TNFSF4: variants seen among roughly 807,000 people sequenced by gnomAD.
The protein encoded by TNFSF4 is tumor necrosis factor ligand superfamily member 4.
In TNFSF4, 4 loss-of-function variants were observed where a neutral mutation model predicts 7.3. That is an observed-to-expected ratio of 0.55 (90% CI 0.27 to 1.25). The LOEUF (loss-of-function observed/expected upper bound fraction) is 1.25. Among genes scored for constraint, TNFSF4 ranks in the 50% most tolerant of loss-of-function variants. TNFSF4 has a pLI of 0.12. For missense variants in TNFSF4, 181 were observed against 208.8 expected (o/e 0.87, Z 0.82); for synonymous variants, 76 against 83.7 (o/e 0.91, Z 0.50).
the TNFSF4 span, among the ~76,000 whole-genome samples, chr1:173,353,091 T>C: frequency 6.6e-6 from 1 of 152,192 alleles, no homozygotes; most frequent in African/African-American, 2.4e-5. Context: ...TCAGATTTCA[T>C]ATTGTTCAAA....
At chr1:173,410,917 G>A in the TNFSF4 span, among the ~76,000 whole-genome samples, 20 of 152,276 alleles carry the variant, frequency 1.3e-4, no homozygotes, top group Non-Finnish European at 2.1e-4. Context: ...AACCCAAGGG[G>A]TAGCAGCTGC....
the TNFSF4 span, among the ~76,000 whole-genome samples, chr1:173,409,764 C>A: frequency 1.3e-5 from 2 of 152,074 alleles, no homozygotes; most frequent in Non-Finnish European, 2.9e-5. Context: ...GTGAGAAGTG[C>A]AGGCAGTGGT....
the TNFSF4 span, among the ~76,000 whole-genome samples, chr1:173,434,118 A>C: frequency 6.6e-6 from 1 of 152,138 alleles, no homozygotes; most frequent in Non-Finnish European, 1.5e-5. Flanking sequence ...TTGTTCTCAC[A>C]CCTCTAGCCA....
chr1:173,381,277 C>T, the TNFSF4 span, among the ~76,000 whole-genome samples: 1 of 152,142 alleles, frequency 6.6e-6, no homozygotes, highest in Non-Finnish European at 1.5e-5. Context: ...GGACTCTGCA[C>T]CTTCTTAGGG....
chr1:173,321,474 A>C, the TNFSF4 span, among the ~76,000 whole-genome samples: 1 of 152,334 alleles, frequency 6.6e-6, no homozygotes, highest in Non-Finnish European at 1.5e-5. Flanking sequence ...CAAAATTGAC[A>C]AATGGGATCT....
At chr1:173,371,582 C>T in the TNFSF4 span, among the ~76,000 whole-genome samples, 5,504 of 152,150 alleles carry the variant, frequency 0.036, 116 homozygotes, top group Non-Finnish European at 0.051. Flanking sequence ...AGGATATTGT[C>T]AGACATTTAA....
At chr1:173,244,966 G>T in the TNFSF4 span, among the ~76,000 whole-genome samples, 1 of 151,618 alleles carries the variant, frequency 6.6e-6, no homozygotes, top group African/African-American at 2.4e-5. Flanking sequence ...AACCTGATGC[G>T]ATCTTAATTT....
At chr1:173,430,267 T>C in the TNFSF4 span, among the ~76,000 whole-genome samples, 1 of 152,234 alleles carries the variant, frequency 6.6e-6, no homozygotes, top group African/African-American at 2.4e-5. Context: ...ACAAATAACA[T>C]TGTTTCATCT....
chr1:173,408,895 G>A, the TNFSF4 span, among the ~76,000 whole-genome samples: 531 of 152,186 alleles, frequency 3.5e-3, 3 homozygotes, highest in African/African-American at 0.012. Context: ...TGGCCAGAAT[G>A]GGATATTTAA....
At chr1:173,395,012 A>G in the TNFSF4 span, among the ~76,000 whole-genome samples, 1 of 128,144 alleles carries the variant, frequency 7.8e-6, no homozygotes, top group African/African-American at 2.8e-5. Flanking sequence ...AGATAGATAG[A>G]TAGATAGATA....
At chr1:173,283,927 CAAAA>C in the TNFSF4 span, among the ~76,000 whole-genome samples, 5 of 62,432 alleles carry the variant, frequency 8.0e-5, no homozygotes, top group Admixed American at 1.7e-4. Flanking sequence ...CTTATGAATG[CAAAA>C]AAAAAAAAAA....
chr1:173,379,343 C>A, the TNFSF4 span, among the ~76,000 whole-genome samples: 1 of 151,830 alleles, frequency 6.6e-6, no homozygotes, highest in Admixed American at 6.6e-5. Flanking sequence ...AGGAAATAGC[C>A]CAGGTACATG....
chr1:173,238,715 C>T, the TNFSF4 span, among the ~76,000 whole-genome samples: 4 of 152,232 alleles, frequency 2.6e-5, no homozygotes, highest in South Asian at 8.3e-4. Context: ...CCATGTTACA[C>T]CAGTCAGAAT....
At chr1:173,384,858 C>G in the TNFSF4 span, among the ~76,000 whole-genome samples, 4 of 152,228 alleles carry the variant, frequency 2.6e-5, no homozygotes, top group Middle Eastern at 3.4e-3. Flanking sequence ...CTACTACTTA[C>G]CTATGTTAAA....
the TNFSF4 span, among the ~76,000 whole-genome samples, chr1:173,374,355 G>A: frequency 6.6e-6 from 1 of 152,078 alleles, no homozygotes; most frequent in Non-Finnish European, 1.5e-5. Flanking sequence ...CCCATCTATG[G>A]ATTTCTTGTG....
the TNFSF4 span, among the ~76,000 whole-genome samples, chr1:173,252,211 T>C: frequency 6.6e-6 from 1 of 151,936 alleles, no homozygotes; most frequent in Admixed American, 6.6e-5. Context: ...TCAACTCTCA[T>C]GATAGAAAGA....
chr1:173,442,432 T>A, the TNFSF4 span, among the ~76,000 whole-genome samples: 27 of 152,066 alleles, frequency 1.8e-4, no homozygotes, highest in Admixed American at 6.5e-5. Context: ...AGAATTTCAA[T>A]CATTTGCTTC....
At chr1:173,205,568 T>TG in intron 1 of TNFSF4, 1 of 1,264,822 alleles carries the variant, frequency 7.9e-7, no homozygotes, top group Non-Finnish European at 1.0e-6. Context: ...TATCATCCCA[T>TG]GGTGTAAGGA....
the TNFSF4 span, among the ~76,000 whole-genome samples, chr1:173,240,920 T>A: frequency 6.6e-6 from 1 of 152,216 alleles, no homozygotes; most frequent in African/African-American, 2.4e-5. Context: ...TTGATTACTA[T>A]TAAGATTTAG....
Sources: allele counts gnomAD v4.1 joint callset (sites outside exome capture counted in the v4.1 genomes callset), GRCh38; gene constraint gnomAD v4.1.1; transcripts MANE v1.5; gene names NCBI Gene and HGNC (gene_info 2026-07-23, HGNC 2026-07-21).